KLHL8: variants seen among roughly 807,000 people sequenced by gnomAD.
KLHL8 encodes the protein kelch-like protein 8.
Under a neutral mutation model 63.5 loss-of-function variants are expected in KLHL8, and 38 were observed. That is an observed-to-expected ratio of 0.60 (90% CI 0.46 to 0.78). KLHL8 has a LOEUF of 0.78. KLHL8 is among the 30% of genes least tolerant of loss of function. KLHL8 has a pLI of 0.00. For synonymous variants in KLHL8, 224 were observed against 254.3 expected, an observed-to-expected ratio of 0.88 and a Z score of 1.13; for missense variants, 566 against 752.4, an observed-to-expected ratio of 0.75 and a Z score of 2.90.
At chr4:87,180,694 G>C (rs943014833) in intron 4 of KLHL8, among the ~76,000 whole-genome samples, 3 of 152,124 alleles carry the variant, frequency 2.0e-5, no homozygotes, top group Non-Finnish European at 4.4e-5. Flanking sequence ...ATGCCTGGTA[G>C]CTGCTTGTGC....
intron 1 of KLHL8, among the ~76,000 whole-genome samples, chr4:87,226,288 C>T (rs528359813): frequency 9.9e-5 from 15 of 152,024 alleles, no homozygotes; most frequent in African/African-American, 1.9e-4. Context: ...TTAGGCCAGG[C>T]GCGATGGCTC....
At chr4:87,198,170 A>C (rs1731775685) in intron 1 of KLHL8, among the ~76,000 whole-genome samples, 1 of 152,020 alleles carries the variant, frequency 6.6e-6, no homozygotes, top group African/African-American at 2.4e-5. Context: ...AAATACAAAA[A>C]CCAGCCAGGC....
At chr4:87,172,228 T>TC (rs1174629289) in intron 6 of KLHL8, among the ~76,000 whole-genome samples, 3 of 152,158 alleles carry the variant, frequency 2.0e-5, no homozygotes, top group African/African-American at 7.2e-5. Flanking sequence ...GTGGGAAGGA[T>TC]CTGGCAGTGA....
intron 1 of KLHL8, chr4:87,207,642 G>C: frequency 8.4e-7 from 1 of 1,192,470 alleles, no homozygotes; most frequent in East Asian, 2.3e-5. Flanking sequence ...CCACCCAGAA[G>C]ACTGTGGATG....
chr4:87,187,904 T>C (rs1731330386), intron 2 of KLHL8, among the ~76,000 whole-genome samples: 1 of 152,216 alleles, frequency 6.6e-6, no homozygotes, highest in Non-Finnish European at 1.5e-5. Flanking sequence ...AACAGTTGTA[T>C]CTCATTATTT....
chr4:87,167,400 T>C (rs1017352307), intron 8 of KLHL8: 7 of 453,950 alleles, frequency 1.5e-5, no homozygotes, highest in African/African-American at 1.4e-4. Flanking sequence ...TGGAGATTTA[T>C]CTGGGTGGGC....
intron 2 of KLHL8, among the ~76,000 whole-genome samples, chr4:87,191,644 T>G (rs1348548741): frequency 6.6e-6 from 1 of 151,848 alleles, no homozygotes; most frequent in Admixed American, 6.6e-5. Flanking sequence ...GTAGGTCTGT[T>G]GCATAGATAT....
chr4:87,216,586 C>T (rs1732604365), intron 1 of KLHL8, among the ~76,000 whole-genome samples: 1 of 152,096 alleles, frequency 6.6e-6, no homozygotes, highest in African/African-American at 2.4e-5. Context: ...CATTTATGCT[C>T]ACGCTAACAG....
At chr4:87,195,187 AAAAG>A (rs1176013817) in intron 2 of KLHL8, 133 bp downstream of exon 2, 1 of 637,816 alleles carries the variant, frequency 1.6e-6, no homozygotes. Flanking sequence ...ACACTAAAAA[AAAAG>A]ATTGAGACTA....
At chr4:87,234,885 G>A (rs1460943139) in intron 1 of KLHL8, among the ~76,000 whole-genome samples, 1 of 152,098 alleles carries the variant, frequency 6.6e-6, no homozygotes, top group Non-Finnish European at 1.5e-5. Flanking sequence ...TGTAGTCCTA[G>A]GCTAATGTGT....
chr4:87,207,712 T>G, intron 1 of KLHL8: 1 of 887,698 alleles, frequency 1.1e-6, no homozygotes, highest in South Asian at 1.3e-5. Context: ...CATCCCTGCC[T>G]CTACTGGTGC....
At chr4:87,214,289 A>G (rs1732506335) in intron 1 of KLHL8, among the ~76,000 whole-genome samples, 1 of 151,084 alleles carries the variant, frequency 6.6e-6, no homozygotes, top group Non-Finnish European at 1.5e-5. Context: ...ATTGTATGAT[A>G]TTGGTTAAGT....
At chr4:87,186,860 T>G (rs1229787959) in intron 2 of KLHL8, among the ~76,000 whole-genome samples, 1 of 152,076 alleles carries the variant, frequency 6.6e-6, no homozygotes, top group East Asian at 1.9e-4. Flanking sequence ...AATTTATCAA[T>G]CAGAAAACTG....
intron 2 of KLHL8, 81 bp from the exon 3 acceptor site, chr4:87,185,880 G>T: frequency 8.2e-7 from 1 of 1,217,592 alleles, no homozygotes; most frequent in Non-Finnish European, 1.1e-6. Context: ...TTTGTAGCAG[G>T]GACAAAATTT....
At chr4:87,206,017 C>G (rs1483809586) in intron 1 of KLHL8, among the ~76,000 whole-genome samples, 3 of 152,114 alleles carry the variant, frequency 2.0e-5, no homozygotes, top group Non-Finnish European at 2.9e-5. Flanking sequence ...TTTTAGATTC[C>G]CCTACTTTTA....
At position 87,195,439 on chromosome 4, in the gene KLHL8, C is replaced by A. The variant is rs142121618; in HGVS notation, c.101G>T (p.Ser34Ile). The A allele has an allele frequency of 4.0e-5, 65 of 1,613,844 alleles. No homozygotes were observed. The African/African-American group carries it at 8.5e-4, about 21-fold the overall frequency. ...AAAGGAATCTTCTCCATCACCATCACTAATTGAGGATCTGTTCTTTATTTG... is the reference window on the plus strand; with the variant it reads ...AAAGGAATCTTCTCCATCACCATCAATAATTGAGGATCTGTTCTTTATTTG... ...HQQIKNRSSISDGDGEDSFIF... is the reference protein window; with the variant it reads ...HQQIKNRSSIIDGDGEDSFIF... Residue 34 changes from serine to isoleucine, a missense_variant, in exon 2 of 10, where the codon AGT (serine) becomes ATT (isoleucine). By Grantham distance (142) the Ser-to-Ile change is moderately radical. Coordinates refer to ENST00000273963, the MANE Select transcript of KLHL8 (RefSeq NM_020803.5).
intron 1 of KLHL8, among the ~76,000 whole-genome samples, chr4:87,198,414 A>G (rs535224096): frequency 2.0e-5 from 3 of 152,344 alleles, no homozygotes; most frequent in Non-Finnish European, 4.4e-5. Context: ...ATTTAAACTC[A>G]ACAATATCAA....
chr4:87,170,048 T>C, intron 8 of KLHL8, 31 bp downstream of exon 8: 1 of 1,560,986 alleles, frequency 6.4e-7, no homozygotes, highest in Non-Finnish European at 8.8e-7. Context: ...TTGTATATAC[T>C]GATATATTAG....
chr4:87,206,203 C>G (rs980168827), intron 1 of KLHL8, among the ~76,000 whole-genome samples: 1 of 152,148 alleles, frequency 6.6e-6, no homozygotes, highest in Admixed American at 6.5e-5. Context: ...TCATTGTACT[C>G]CAGTTCAGAT....
Sources: allele counts gnomAD v4.1 joint callset (sites outside exome capture counted in the v4.1 genomes callset), GRCh38; gene constraint gnomAD v4.1.1; transcripts MANE v1.5; gene names NCBI Gene and HGNC (gene_info 2026-07-23, HGNC 2026-07-21).